Variants in OSBPL11 observed in about 807,000 individuals in gnomAD.
OSBPL11 encodes the protein oxysterol-binding protein-related protein 11.
Under a neutral mutation model 84.4 loss-of-function variants are expected in OSBPL11, and 33 were observed. That is an observed-to-expected ratio of 0.39 (90% confidence interval 0.30 to 0.52). OSBPL11 has a LOEUF of 0.52. Ranked by LOEUF, OSBPL11 falls within the 20% of genes least tolerant of loss-of-function variation. The pLI is 0.72. For synonymous variants in OSBPL11, 276 were observed against 310.2 expected, an observed-to-expected ratio of 0.89 and a Z score of 1.16; for missense variants, 736 against 901.1, an observed-to-expected ratio of 0.82 and a Z score of 2.35.
chr3:125,577,656 C>T lies in OSBPL11; in HGVS notation c.490-1291G>A, dbSNP rs537009140. Among the ~76,000 whole-genome samples, 31 of 151,914 alleles carry T rather than the reference C, an allele frequency of 2.0e-4. No individual in the cohort carries two copies. In the South Asian group the frequency reaches 4.6e-3, roughly 22 times the overall value. ...CAGCCTGGCCAACATGGCGAAACCCCGTCTCTACCAAAAATACAAAAAATT... is the reference window on the plus strand; with the variant it reads ...CAGCCTGGCCAACATGGCGAAACCCTGTCTCTACCAAAAATACAAAAAATT... On this transcript the variant is annotated intron_variant, in intron 4 of 12. Coordinates refer to ENST00000296220, the MANE Select transcript of OSBPL11 (RefSeq NM_022776.5).
At chr3:125,543,267 G>T (rs987037282) in intron 10 of OSBPL11, among the ~76,000 whole-genome samples, 1 of 151,334 alleles carries the variant, frequency 6.6e-6, no homozygotes, top group Non-Finnish European at 1.5e-5. Flanking sequence ...AAGTACCTGG[G>T]ATTACAGGTG....
At chr3:125,578,356 A>G (rs545802612) in intron 4 of OSBPL11, among the ~76,000 whole-genome samples, 1 of 152,170 alleles carries the variant, frequency 6.6e-6, no homozygotes, top group Admixed American at 6.6e-5. Flanking sequence ...AGAGTTTGCT[A>G]GGGGATTGGG....
chr3:125,576,471 T>G, intron 4 of OSBPL11, 106 bp from the exon 5 acceptor site: 1 of 786,930 alleles, frequency 1.3e-6, no homozygotes, highest in Non-Finnish European at 1.8e-6. Flanking sequence ...GCGTTTAAAA[T>G]TAAATTAACT....
chr3:125,554,920 A>G (rs781304461), intron 8 of OSBPL11, among the ~76,000 whole-genome samples: 5 of 152,136 alleles, frequency 3.3e-5, no homozygotes, highest in Non-Finnish European at 5.9e-5. Flanking sequence ...AACAAAATAG[A>G]AGAAAGAAAA....
intron 11 of OSBPL11, among the ~76,000 whole-genome samples, chr3:125,533,317 C>T (rs774034998): frequency 6.6e-5 from 10 of 151,716 alleles, no homozygotes; most frequent in Admixed American, 1.3e-4. Flanking sequence ...CTCTGCCTCC[C>T]GGACTCAAGC....
At position 125,584,977 on chromosome 3, in the gene OSBPL11, A is replaced by C. The variant is rs191507885; in HGVS notation, c.165-1999T>G. On this transcript the variant is annotated intron_variant, in intron 1 of 12. Coordinates refer to ENST00000296220, the MANE Select transcript of OSBPL11 (RefSeq NM_022776.5). ...ATTTTTGTGGGGATGGGGGGGTCTC[A>C]CTATGTTGCCCAGGCTGCTCTCAAA... Among the ~76,000 whole-genome samples the C allele has an allele frequency of 3.4e-3, 518 of 152,172 alleles. 4 individuals are homozygous for C. The highest frequency in any genetic ancestry group is 0.01 in the Middle Eastern group (3 of 294).
chr3:125,581,176 TC>T (rs1370705212), intron 2 of OSBPL11, among the ~76,000 whole-genome samples: 1 of 151,622 alleles, frequency 6.6e-6, no homozygotes, highest in Non-Finnish European at 1.5e-5. Flanking sequence ...CACTGCAACC[TC>T]TGCCTCCCAG....
At chr3:125,563,676 T>C (rs1936110130) in intron 7 of OSBPL11, 22 bp downstream of exon 7, 1 of 1,609,212 alleles carries the variant, frequency 6.2e-7, no homozygotes, top group Non-Finnish European at 8.5e-7. Context: ...CACATCAAAA[T>C]CATATTTTTA....
At chr3:125,575,783 C>T (rs1189907766) in intron 5 of OSBPL11, among the ~76,000 whole-genome samples, 1 of 151,634 alleles carries the variant, frequency 6.6e-6, no homozygotes, top group South Asian at 2.1e-4. Flanking sequence ...GAAATCCTCC[C>T]ACCTTGGCTT....
chr3:125,585,258 G>A (rs909560671), intron 1 of OSBPL11, among the ~76,000 whole-genome samples: 8 of 152,060 alleles, frequency 5.3e-5, no homozygotes, highest in Admixed American at 6.6e-5. Flanking sequence ...TGCCTGCCAA[G>A]TAGCTGGGAC....
chr3:125,581,279 A>G (rs927079836), intron 2 of OSBPL11, among the ~76,000 whole-genome samples: 3 of 151,946 alleles, frequency 2.0e-5, no homozygotes, highest in Non-Finnish European at 2.9e-5. Flanking sequence ...TTTCGTAGAG[A>G]TGGAGTTTTG....
At chr3:125,533,279 C>T (rs1935589915) in intron 11 of OSBPL11, among the ~76,000 whole-genome samples, 1 of 145,476 alleles carries the variant, frequency 6.9e-6, no homozygotes, top group Non-Finnish European at 1.5e-5. Flanking sequence ...GACAGGGTCT[C>T]ACTGTCACCA....
intron 8 of OSBPL11, among the ~76,000 whole-genome samples, chr3:125,556,796 A>AG (rs1486284240): frequency 6.6e-6 from 1 of 152,228 alleles, no homozygotes; most frequent in African/African-American, 2.4e-5. Context: ...CAAAAAGTAG[A>AG]GGGATAATTA....
chr3:125,555,088 T>C (rs745653836), intron 8 of OSBPL11, among the ~76,000 whole-genome samples: 8 of 152,182 alleles, frequency 5.3e-5, no homozygotes, highest in Non-Finnish European at 1.0e-4. Context: ...GGGCACCATC[T>C]AATCAGCTGC....
chr3:125,564,588 TA>T lies in OSBPL11; in HGVS notation c.869-746del, dbSNP rs140439794. ...GATCTAGGTTTCACAGAAGCTTGGT[TA>T]TAGAGTGCTATAATAAGGGATGCTC... On this transcript the variant is annotated intron_variant, in intron 6 of 12. Transcript: ENST00000296220. Among the ~76,000 whole-genome samples, 146 of 152,298 alleles carry T rather than the reference TA, an allele frequency of 9.6e-4. 1 individual carries two copies. In the East Asian group the frequency reaches 0.025, roughly 26 times the overall value.
chr3:125,569,739 G>A (rs1422529707), intron 5 of OSBPL11, among the ~76,000 whole-genome samples: 1 of 152,154 alleles, frequency 6.6e-6, no homozygotes, highest in African/African-American at 2.4e-5. Context: ...ATATTGTACA[G>A]CAATGAAAAG....
At chr3:125,593,489 G>A (rs749116759) in intron 1 of OSBPL11, among the ~76,000 whole-genome samples, 5 of 151,598 alleles carry the variant, frequency 3.3e-5, no homozygotes, top group East Asian at 1.9e-4. Flanking sequence ...GTGTGGTGGC[G>A]CACGCCTGTA....
intron 5 of OSBPL11, among the ~76,000 whole-genome samples, chr3:125,575,088 T>TC (rs1289853669): frequency 1.3e-5 from 2 of 152,216 alleles, no homozygotes; most frequent in Non-Finnish European, 2.9e-5. Context: ...GGCCAAATTT[T>TC]CATCCTGTAG....
intron 1 of OSBPL11, among the ~76,000 whole-genome samples, chr3:125,589,932 T>C (rs563866841): frequency 2.0e-5 from 3 of 152,080 alleles, no homozygotes; most frequent in Non-Finnish European, 4.4e-5. Flanking sequence ...CTCAAAATTT[T>C]AAAAAAAAGC....
Sources: allele counts gnomAD v4.1 joint callset (sites outside exome capture counted in the v4.1 genomes callset), GRCh38; gene constraint gnomAD v4.1.1; transcripts MANE v1.5; gene names NCBI Gene and HGNC (gene_info 2026-07-23, HGNC 2026-07-21).